The following PRKDC variants were observed in gnomAD, a reference collection of about 807,000 sequenced individuals.
PRKDC encodes DNA-dependent protein kinase catalytic subunit.
PRKDC carries 82 observed loss-of-function variants against 486.9 expected under a neutral mutation model. That is an observed-to-expected ratio of 0.17 (90% CI 0.14 to 0.20). PRKDC has a LOEUF of 0.20. Ranked by LOEUF, PRKDC falls within the 10% of genes least tolerant of loss-of-function variation. PRKDC has a pLI of 1.00. For missense variants in PRKDC, 4,504 were observed against 5,038.2 expected, an observed-to-expected ratio of 0.89 and a Z score of 3.21; for synonymous variants, 1,895 against 1,837.0, an observed-to-expected ratio of 1.03 and a Z score of -0.81.
Position 47,930,887 on chromosome 8 carries a change from C to T in PRKDC, c.1777-100G>A, listed in dbSNP as rs191905515. 8.6e-6 allele frequency: 10 copies of T among 1,159,982 alleles called. No homozygotes were observed. The East Asian group carries it at 1.1e-4, about 12-fold the overall frequency. The allele number at this position is 1,159,982 out of a possible 1,614,324, so 71.9% of individuals were successfully genotyped here. A position where few individuals can be genotyped will look rare whatever the true frequency, so the allele number is the denominator to read the frequency against. On this transcript the variant is annotated intron_variant, in intron 16 of 85. Transcript: ENST00000314191. The stretch of plus-strand genomic sequence containing the variant: ...ACTTCATGGTCAAGGCCTGATGCTA[C>T]GAAGAAAGATTGCAACAGCGAGAAA...
intron 73 of PRKDC, among the ~76,000 whole-genome samples, chr8:47,796,818 T>C (rs1021472161): frequency 6.6e-6 from 1 of 152,164 alleles, no homozygotes; most frequent in Non-Finnish European, 1.5e-5. Context: ...GGTCTCGAAC[T>C]GCTGACCTCG....
intron 7 of PRKDC, among the ~76,000 whole-genome samples, chr8:47,949,912 G>T (rs559444756): frequency 6.6e-6 from 1 of 152,218 alleles, no homozygotes; most frequent in African/African-American, 2.4e-5. Context: ...AAGTAATTTT[G>T]TAAGTTTCAA....
intron 49 of PRKDC, among the ~76,000 whole-genome samples, chr8:47,855,897 A>C (rs1390923913): frequency 1.3e-5 from 2 of 152,132 alleles, no homozygotes; most frequent in African/African-American, 4.8e-5. Flanking sequence ...GTCTCCCTCC[A>C]GTGTTAGCCT....
chr8:47,821,564 T>A, intron 65 of PRKDC, 40 bp downstream of exon 65: 1 of 1,537,118 alleles, frequency 6.5e-7, no homozygotes, highest in Non-Finnish European at 8.8e-7. Flanking sequence ...AACACCTATC[T>A]AAAATAATTA....
intron 56 of PRKDC, 31 bp from the exon 57 acceptor site, chr8:47,837,450 T>C (rs2088052486): frequency 2.6e-6 from 4 of 1,517,664 alleles, no homozygotes; most frequent in Non-Finnish European, 9.1e-7. Context: ...AGTATATTGC[T>C]TAGACAATGG....
intron 54 of PRKDC, among the ~76,000 whole-genome samples, chr8:47,841,590 G>A (rs1001621733): frequency 6.6e-6 from 1 of 152,166 alleles, no homozygotes; most frequent in Non-Finnish European, 1.5e-5. Flanking sequence ...AGCCCCCCAG[G>A]GTCTAAGCAC....
intron 31 of PRKDC, among the ~76,000 whole-genome samples, chr8:47,892,026 T>C (rs561619731): frequency 6.6e-6 from 1 of 152,146 alleles, no homozygotes; most frequent in Non-Finnish European, 1.5e-5. Flanking sequence ...CCTGCCACCA[T>C]GCCTGACTAA....
At chr8:47,841,489 G>T (rs2088143048) in intron 54 of PRKDC, among the ~76,000 whole-genome samples, 1 of 152,206 alleles carries the variant, frequency 6.6e-6, no homozygotes, top group African/African-American at 2.4e-5. Context: ...CCCAGCCTGA[G>T]TGCTTTGCCA....
At chr8:47,934,934 T>C (rs2090322979) in intron 14 of PRKDC, 75 bp downstream of exon 14, 1 of 1,235,956 alleles carries the variant, frequency 8.1e-7, no homozygotes, top group South Asian at 1.4e-5. Flanking sequence ...CAAAATTATA[T>C]TCGAAAACCT....
intron 25 of PRKDC, among the ~76,000 whole-genome samples, chr8:47,906,483 A>C (rs931876008): frequency 1.3e-5 from 2 of 149,206 alleles, no homozygotes; most frequent in Non-Finnish European, 2.9e-5. Context: ...AAAATCCAAA[A>C]ATTAGCCGGG....
intron 10 of PRKDC, among the ~76,000 whole-genome samples, chr8:47,942,007 C>T (rs984576619): frequency 2.0e-5 from 3 of 152,192 alleles, no homozygotes; most frequent in African/African-American, 7.2e-5. Context: ...AGGCCCACGC[C>T]CCACCCAGCC....
intron 59 of PRKDC, among the ~76,000 whole-genome samples, chr8:47,832,325 G>C (rs539272210): frequency 6.6e-6 from 1 of 152,160 alleles, no homozygotes; most frequent in Non-Finnish European, 1.5e-5. Flanking sequence ...CTCCTAACCC[G>C]TATGATTCCA....
At chr8:47,895,120 A>C (rs1589773021) in intron 30 of PRKDC, among the ~76,000 whole-genome samples, 1 of 152,212 alleles carries the variant, frequency 6.6e-6, no homozygotes, top group African/African-American at 2.4e-5. Context: ...CCAGCTACTA[A>C]GGAGGTTGAG....
intron 58 of PRKDC, among the ~76,000 whole-genome samples, chr8:47,835,988 G>A (rs1589730888): frequency 1.3e-5 from 2 of 152,112 alleles, no homozygotes; most frequent in Non-Finnish European, 2.9e-5. Context: ...GGCTGGTGCG[G>A]AACTCCTGGG....
intron 70 of PRKDC, 22 bp from the exon 71 acceptor site, chr8:47,801,008 A>G: frequency 6.2e-7 from 1 of 1,603,104 alleles, no homozygotes; most frequent in Non-Finnish European, 8.5e-7. Flanking sequence ...AAAAAACAAA[A>G]CAAAACAAAA....
At chr8:47,956,466 G>C (rs919802396) in intron 3 of PRKDC, among the ~76,000 whole-genome samples, 6 of 151,660 alleles carry the variant, frequency 4.0e-5, no homozygotes, top group African/African-American at 1.5e-4. Flanking sequence ...AGGCGGAGAC[G>C]GGAAGATCAC....
chr8:47,907,856 T>C (rs546590882), intron 25 of PRKDC, among the ~76,000 whole-genome samples: 1 of 152,338 alleles, frequency 6.6e-6, no homozygotes, highest in East Asian at 1.9e-4. Context: ...CCTGTCTTCC[T>C]GGAAGAAACC....
intron 28 of PRKDC, among the ~76,000 whole-genome samples, chr8:47,899,643 C>CA (rs949661233): frequency 1.8e-4 from 28 of 151,964 alleles, no homozygotes; most frequent in African/African-American, 6.8e-4. Flanking sequence ...AACCCCATCA[C>CA]AAAAAATAAA....
At chr8:47,946,284 T>A (rs981157932) in intron 7 of PRKDC, among the ~76,000 whole-genome samples, 1 of 152,004 alleles carries the variant, frequency 6.6e-6, no homozygotes, top group Non-Finnish European at 1.5e-5. Flanking sequence ...TGAGCCAAGA[T>A]CGTGCCACTG....
Sources: gnomAD v4.1 joint callset for allele counts (sites outside exome capture counted in the v4.1 genomes callset) on GRCh38, gnomAD v4.1.1 for gene constraint, MANE v1.5 for transcripts, NCBI Gene and HGNC (gene_info 2026-07-23, HGNC 2026-07-21) for gene names.